The following NOL12 variants were observed in gnomAD, a reference collection of about 807,000 sequenced individuals.
NOL12 encodes the protein nucleolar protein 12.
A neutral mutation model predicts 25.2 loss-of-function variants in NOL12; 21 were observed. The ratio of observed to expected loss-of-function variants is 0.83; its 90% CI spans 0.59 to 1.20. The LOEUF (loss-of-function observed/expected upper bound fraction) is 1.20, where lower values mean the gene tolerates loss of function less well. NOL12 is among the 50% of genes most tolerant of loss of function. NOL12 has a pLI of 0.00. For synonymous variants in NOL12, 133 were observed against 113.8 expected, an observed-to-expected ratio of 1.17 and a Z score of -1.08; for missense variants, 286 against 287.6, an observed-to-expected ratio of 0.99 and a Z score of 0.04.
chr22:37,688,415 C>A, intron 3 of NOL12, 55 bp downstream of exon 3: 1 of 1,576,102 alleles, frequency 6.3e-7, no homozygotes, highest in Non-Finnish European at 8.7e-7. Flanking sequence ...TGGTTTATAC[C>A]CTTGGTGGGT....
chr22:37,686,559 G>T, intron 1 of NOL12, 84 bp downstream of exon 1: 1 of 1,429,406 alleles, frequency 7.0e-7, no homozygotes, highest in South Asian at 1.5e-5. Context: ...GCTCCCGCCG[G>T]GGGCTCTTCC....
In NOL12 at chr22:37,689,478, G is replaced by GCACTAAGACACAGACCC. The variant is rs562585962; in HGVS notation, c.381+493_381+494insACACAGACCCCACTAAG. Among the ~76,000 whole-genome samples the GCACTAAGACACAGACCC allele has an allele frequency of 5.9e-4, 90 of 152,278 alleles. 2 individuals carry two copies. In the South Asian group the frequency reaches 0.018, roughly 30 times the overall value. On this transcript the variant is annotated intron_variant, in intron 4 of 5. Transcript: ENST00000359114. ...ATTCGCAGCCCTGGCACGTCTGTGT[G>GCACTAAGACACAGACCC]CACTAAGTGGGTTTTCAACCTGTGG...
At chr22:37,688,144 C>T (rs751533116) in intron 2 of NOL12, 129 bp downstream of exon 2, 3 of 1,049,440 alleles carry the variant, frequency 2.9e-6, no homozygotes, top group East Asian at 2.6e-5. Flanking sequence ...ATAGTTTATA[C>T]AGGTGGAGAC....
intron 1 of NOL12, chr22:37,686,900 A>G (rs1418816187): frequency 1.0e-6 from 1 of 985,322 alleles, no homozygotes; most frequent in African/African-American, 1.7e-5. Flanking sequence ...CAGGAAGCAG[A>G]ACCTCTGAGC....
In NOL12 at chr22:37,686,491, G is replaced by A. The variant is rs1921820128; in HGVS notation, c.83+16G>A. ...AGAAGAGGCGGTGAGTGGCAAAGCC[G>A]GACCGGACTCCCCTCGAGCTGTTCT... On this transcript the variant is annotated intron_variant, in intron 1 of 5. Transcript: ENST00000359114. 1.9e-6 allele frequency: 3 copies of A among 1,584,088 alleles called. No individual in the cohort carries two copies. Among genetic ancestry groups the A allele is most frequent in the African/African-American group, 2.7e-5 (2 of 73,748 alleles).
At chr22:37,688,553 G>T (rs1403297485) in intron 3 of NOL12, among the ~76,000 whole-genome samples, 193 bp downstream of exon 3, 1 of 152,148 alleles carries the variant, frequency 6.6e-6, no homozygotes, top group South Asian at 2.1e-4. Context: ...AAACCCCATG[G>T]TTAACCAAGC....
intron 3 of NOL12, 136 bp from the exon 4 acceptor site, chr22:37,688,714 C>G: frequency 1.2e-6 from 1 of 824,514 alleles, no homozygotes; most frequent in Non-Finnish European, 2.0e-6. Flanking sequence ...ACAGACCAGG[C>G]TCTACAGCCA....
intron 4 of NOL12, among the ~76,000 whole-genome samples, chr22:37,690,185 C>T (rs1922004941): frequency 6.6e-6 from 1 of 151,944 alleles, no homozygotes; most frequent in Admixed American, 6.6e-5. Context: ...AAAAACTTAG[C>T]CAGGCATGGT....
At chr22:37,686,537 G>C (rs1921822585) in intron 1 of NOL12, 62 bp downstream of exon 1, 4 of 1,480,018 alleles carry the variant, frequency 2.7e-6, no homozygotes, top group Non-Finnish European at 3.6e-6. Context: ...GGCCAGGTCT[G>C]GGGCCGAGCA....
intron 1 of NOL12, chr22:37,687,217 G>A (rs1337982372): frequency 4.5e-6 from 2 of 444,492 alleles, no homozygotes; most frequent in African/African-American, 2.1e-5. Context: ...GAGTAATGAG[G>A]TTTGTAGGTG....
chr22:37,692,936 C>A lies in NOL12; in HGVS notation c.*1600C>A. ...GGGCTGCACCCGGGTATGGTGAGTT[C>A]CCCTCAGGGATTGTGCTGAGCGCCT... On this transcript the variant is annotated 3_prime_UTR_variant, in exon 6 of 6. Coordinates refer to ENST00000359114, the MANE Select transcript of NOL12 (RefSeq NM_024313.3). The A allele has an allele frequency of 2.6e-6, 1 of 384,404 alleles. No homozygotes were observed. The highest frequency in any genetic ancestry group is 4.6e-6 in the Non-Finnish European group (1 of 217,284). The allele number at this position is 384,404 out of a possible 1,614,324, so 23.8% of individuals were successfully genotyped here. A position where few individuals can be genotyped will look rare whatever the true frequency, so the allele number is the denominator to read the frequency against.
chr22:37,692,843 C>T lies in NOL12; in HGVS notation c.*1507C>T. 7.5e-6 allele frequency: 3 copies of T among 397,636 alleles called. No homozygotes were observed. Among genetic ancestry groups the T allele is most frequent in the Admixed American group, 4.4e-5 (1 of 22,724 alleles). The allele number at this position is 397,636 out of a possible 1,614,324, so 24.6% of individuals were successfully genotyped here. On this transcript the variant is annotated 3_prime_UTR_variant, in exon 6 of 6. Coordinates refer to ENST00000359114, the MANE Select transcript of NOL12 (RefSeq NM_024313.3). ...TGACTGTGCCTCAGTTATGCTGTAC[C>T]TGGGAGTGGGCAGGCCCTCTCCCAT...
At chr22:37,690,585 T>A in intron 4 of NOL12, 112 bp from the exon 5 acceptor site, 2 of 701,508 alleles carry the variant, frequency 2.9e-6, no homozygotes, top group East Asian at 5.2e-5. Context: ...AACCCAGGCC[T>A]GTGATGCAGC....
Position 37,692,313 on chromosome 22 carries a change from C to T in NOL12, c.*977C>T. The T allele has an allele frequency of 5.1e-6, 2 of 390,956 alleles. No individual in the cohort carries two copies. The highest frequency in any genetic ancestry group is 4.5e-5 in the Admixed American group (1 of 22,442). 24.2% of individuals were successfully genotyped at this position (390,956 alleles called of 1,614,324 possible). A position where few individuals can be genotyped will look rare whatever the true frequency, so the allele number is the denominator to read the frequency against. ...CGGAGGCTGCAGTGAGCCGAGATCA[C>T]GCCATTGCACTCCAGCCTGGGCAAC... On this transcript the variant is annotated 3_prime_UTR_variant, in exon 6 of 6. Transcript: ENST00000359114.
At position 37,691,137 on chromosome 22, in the gene NOL12, A is replaced by G. The variant is rs199663807; in HGVS notation, c.480-37A>G. The stretch of plus-strand genomic sequence containing the variant: ...GAGCCAGGTGGTGAGTCACCCCACA[A>G]TGCAATCTTAAACTGAGGCTTTCTG... On this transcript the variant is annotated intron_variant, in intron 5 of 5. Transcript: ENST00000359114. 6.1e-4 allele frequency: 956 copies of G among 1,567,586 alleles called. 1 individual carries two copies. The highest frequency in any genetic ancestry group is 7.7e-4 in the Non-Finnish European group (887 of 1,151,898).
At position 37,687,789 on chromosome 22, in the gene NOL12, AC is replaced by A. The variant is rs1921887253; in HGVS notation, c.84-120del. 5 of 689,182 alleles carry A rather than the reference AC, an allele frequency of 7.3e-6. No individual in the cohort carries two copies. In the East Asian group the frequency reaches 1.4e-4, roughly 20 times the overall value. 42.7% of individuals were successfully genotyped at this position (689,182 alleles called of 1,614,324 possible). A position where few individuals can be genotyped will look rare whatever the true frequency, so the allele number is the denominator to read the frequency against. On this transcript the variant is annotated intron_variant, in intron 1 of 5. Transcript: ENST00000359114. ...GTGAAGGTTAAATGAGCTAATACTT[AC>A]ACTTTTTTGGAATGGTGCCTAGCAC...
In NOL12 at chr22:37,686,420, G is replaced by A; in HGVS notation, c.28G>A (p.Asp10Asn). The A allele has an allele frequency of 6.2e-7, 1 of 1,606,302 alleles. No individual in the cohort carries two copies. The change falls in exon 1 of 6, where the codon GAT becomes AAT. Residue 10 changes from aspartate (D) to asparagine (N), a missense_variant. By Grantham distance (23) the Asp-to-Asn change is conservative. Transcript: ENST00000359114. MGRNKKKKR[D>N]GDDRRPRLVL... ...GGGCCGCAACAAGAAGAAGAAGCGAGATGGTGACGACCGGCGGCCGAGGCT... is the reference window on the plus strand; with the variant it reads ...GGGCCGCAACAAGAAGAAGAAGCGAAATGGTGACGACCGGCGGCCGAGGCT...
At chr22:37,689,974 C>T (rs1029948467) in intron 4 of NOL12, among the ~76,000 whole-genome samples, 1 of 152,238 alleles carries the variant, frequency 6.6e-6, no homozygotes, top group Non-Finnish European at 1.5e-5. Context: ...GAGTTCGAGA[C>T]CAGACTGACC....
chr22:37,691,281 C>G lies in NOL12; in HGVS notation c.587C>G (p.Thr196Ser). 4.3e-6 allele frequency: 7 copies of G among 1,613,978 alleles called. No individual in the cohort carries two copies. Among genetic ancestry groups the G allele is most frequent in the Non-Finnish European group, 5.9e-6 (7 of 1,179,964 alleles). ...DSKKPPRAPR[T>S]SKAQRRRLTG... is the part of the protein sequence containing the mutation. ...AAAAAGCCCCCAAGGGCCCCTCGTACCAGCAAGGCCCAGCGCCGCCGTCTC... is the reference window on the plus strand; with the variant it reads ...AAAAAGCCCCCAAGGGCCCCTCGTAGCAGCAAGGCCCAGCGCCGCCGTCTC... The change falls in exon 6 of 6, where the codon ACC becomes AGC. Residue 196 changes from threonine to serine, a missense_variant. Transcript: ENST00000359114.
Sources: gnomAD v4.1 joint callset for allele counts (sites outside exome capture counted in the v4.1 genomes callset) on GRCh38, gnomAD v4.1.1 for gene constraint, MANE v1.5 for transcripts, NCBI Gene and HGNC (gene_info 2026-07-23, HGNC 2026-07-21) for gene names.